The following KCNJ6 variants were observed in gnomAD, a reference collection of about 807,000 sequenced individuals.
KCNJ6 encodes potassium inwardly rectifying channel subfamily J member 6.
KCNJ6 carries 9 observed loss-of-function variants against 34.2 expected under a neutral mutation model. The ratio of observed to expected loss-of-function variants is 0.26; its 90% confidence interval spans 0.16 to 0.46. The LOEUF (loss-of-function observed/expected upper bound fraction) is 0.46, where lower values mean the gene tolerates loss of function less well. Ranked by LOEUF, KCNJ6 falls within the 20% of genes least tolerant of loss-of-function variation. The probability of loss-of-function intolerance (pLI) is 1.00; values close to 1 mark genes in which losing one functional copy is unlikely to be tolerated. For synonymous variants in KCNJ6, 196 were observed against 207.1 expected, an observed-to-expected ratio of 0.95 and a Z score of 0.46; for missense variants, 236 against 531.3, an observed-to-expected ratio of 0.44 and a Z score of 5.46.
intron 2 of KCNJ6, among the ~76,000 whole-genome samples, chr21:37,818,213 T>TGC (rs900928425): frequency 1.8e-4 from 5 of 27,432 alleles, no homozygotes; most frequent in Admixed American, 3.4e-4. Context: ...TGTGCGTGCG[T>TGC]GTGTGTGTGT....
Position 37,859,227 on chromosome 21 carries a change from A to G in KCNJ6, c.-27-18518T>C, listed in dbSNP as rs370958072. On this transcript the variant is annotated intron_variant, in intron 1 of 3. Coordinates refer to ENST00000609713, the MANE Select transcript of KCNJ6 (RefSeq NM_002240.5). ...AAATTCCCAAGATACATTGTTAAGT[A>G]AAAAAGCTATTTATAAAAGAGAATA... Among the ~76,000 whole-genome samples, 6 of 152,120 alleles carry G rather than the reference A, an allele frequency of 3.9e-5. No individual in the cohort carries two copies. In the East Asian group the frequency reaches 7.7e-4, roughly 20 times the overall value.
intron 1 of KCNJ6, among the ~76,000 whole-genome samples, chr21:37,845,223 G>A (rs2055500583): frequency 6.6e-6 from 1 of 152,242 alleles, no homozygotes; most frequent in South Asian, 2.1e-4. Context: ...CCCTGGGGGA[G>A]CCAAGGGTTT....
chr21:37,813,373 C>A (rs1431088399), intron 2 of KCNJ6, among the ~76,000 whole-genome samples: 1 of 152,024 alleles, frequency 6.6e-6, no homozygotes. Flanking sequence ...ATCAAAATAC[C>A]AATGACATTC....
intron 3 of KCNJ6, among the ~76,000 whole-genome samples, chr21:37,649,107 T>C (rs1349173924): frequency 3.3e-5 from 4 of 121,408 alleles, no homozygotes; most frequent in African/African-American, 1.4e-4. Context: ...CACTCCAGCC[T>C]GGGTGACAGA....
At chr21:37,732,683 C>T (rs1026020458) in intron 2 of KCNJ6, among the ~76,000 whole-genome samples, 12 of 152,282 alleles carry the variant, frequency 7.9e-5, no homozygotes, top group South Asian at 6.2e-4. Context: ...TCACATTAGC[C>T]GGAGTTCCAA....
rs1346897755 is a variant in KCNJ6 at position 37,715,105 on chromosome 21, C to T, written c.52G>A (p.Asp18Asn). Reference protein sequence around the residue: ...MTNVLEGDSMDQDVESPVAIH... With the variant: ...MTNVLEGDSMNQDVESPVAIH... ...GCCACTGGGCTTTCGACGTCCTGAT[C>T]CATGGAGTCGCCCTCCAGGACGTTA... The change falls in exon 3 of 4, where the codon GAT becomes AAT. Residue 18 changes from aspartate (D) to asparagine (N), a missense_variant. Physicochemically the swap from Asp to Asn is conservative, Grantham distance 23. Around this residue, in one of 5 missense-constraint regions of KCNJ6, gnomAD observed 64 missense variants for 68.9 expected, o/e 0.93. Transcript: ENST00000609713. 3.7e-6 allele frequency: 6 copies of T among 1,613,652 alleles called. No homozygotes were observed. Among genetic ancestry groups the T allele is most frequent in the African/African-American group, 1.3e-5 (1 of 74,908 alleles).
intron 3 of KCNJ6, among the ~76,000 whole-genome samples, chr21:37,627,991 T>C (rs1256657254): frequency 6.6e-6 from 1 of 152,144 alleles, no homozygotes; most frequent in Non-Finnish European, 1.5e-5. Flanking sequence ...GTACAGACCT[T>C]ACAAAATTAG....
At chr21:37,640,180 C>T (rs2054374839) in intron 3 of KCNJ6, among the ~76,000 whole-genome samples, 1 of 152,218 alleles carries the variant, frequency 6.6e-6, no homozygotes, top group Non-Finnish European at 1.5e-5. Flanking sequence ...GTTCCTTCTG[C>T]TAAAGTAATT....
chr21:37,911,078 T>C (rs1302436540), intron 1 of KCNJ6, among the ~76,000 whole-genome samples: 1 of 152,248 alleles, frequency 6.6e-6, no homozygotes, highest in Non-Finnish European at 1.5e-5. Context: ...ATAATTTCAC[T>C]ATTATTTAAT....
chr21:37,649,433 T>A (rs1376553341), intron 3 of KCNJ6, among the ~76,000 whole-genome samples: 1 of 152,170 alleles, frequency 6.6e-6, no homozygotes, highest in Non-Finnish European at 1.5e-5. Context: ...GAACATAGAA[T>A]GAGAAATTGA....
chr21:37,669,577 T>TTGTGTGTG (rs35169360), intron 3 of KCNJ6, among the ~76,000 whole-genome samples: 3,731 of 149,134 alleles, frequency 0.025, 139 homozygotes, highest in African/African-American at 0.078. Context: ...TCTGTGTGTG[T>TTGTGTGTG]TGTGTGTGTG....
At chr21:37,720,808 C>T (rs1449257049) in intron 2 of KCNJ6, among the ~76,000 whole-genome samples, 8 of 151,318 alleles carry the variant, frequency 5.3e-5, no homozygotes, top group African/African-American at 9.7e-5. Flanking sequence ...CCCGGGTTCA[C>T]GCCATTCTCC....
At chr21:37,781,098 C>T (rs2055167314) in intron 2 of KCNJ6, among the ~76,000 whole-genome samples, 1 of 152,158 alleles carries the variant, frequency 6.6e-6, no homozygotes, top group Non-Finnish European at 1.5e-5. Flanking sequence ...ACGCCGGCTG[C>T]TTCCATCAGT....
intron 2 of KCNJ6, among the ~76,000 whole-genome samples, chr21:37,835,328 A>T (rs2055446603): frequency 6.6e-6 from 1 of 152,208 alleles, no homozygotes; most frequent in Admixed American, 6.5e-5. Flanking sequence ...AGAAGACATC[A>T]GGGCCAAGTC....
chr21:37,729,445 C>G (rs566961206), intron 2 of KCNJ6, among the ~76,000 whole-genome samples: 1 of 152,126 alleles, frequency 6.6e-6, no homozygotes, highest in African/African-American at 2.4e-5. Context: ...CACCTCAGCC[C>G]CCTAAGTAGC....
chr21:37,816,573 G>A (rs916367422), intron 2 of KCNJ6, among the ~76,000 whole-genome samples: 4 of 152,218 alleles, frequency 2.6e-5, no homozygotes, highest in African/African-American at 9.6e-5. Context: ...TCATCCTGAT[G>A]CTGGAAAAGG....
intron 2 of KCNJ6, among the ~76,000 whole-genome samples, chr21:37,782,613 C>A (rs532856206): frequency 3.3e-5 from 5 of 152,106 alleles, no homozygotes; most frequent in African/African-American, 4.8e-5. Flanking sequence ...CTCCAGCCAC[C>A]CTATTCATTT....
chr21:37,854,951 C>T (rs2055557280), intron 1 of KCNJ6, among the ~76,000 whole-genome samples: 1 of 152,150 alleles, frequency 6.6e-6, no homozygotes. Context: ...ATTGTTAGGA[C>T]AACTACAGAG....
In KCNJ6 at chr21:37,739,395, G is replaced by C. The variant is rs1040786476; in HGVS notation, c.26-24264C>G. On this transcript the variant is annotated intron_variant, in intron 2 of 3. Coordinates refer to ENST00000609713, the MANE Select transcript of KCNJ6 (RefSeq NM_002240.5). ...AAATTGATGCAAAAGGCAGTCCCTT[G>C]GTTGGCTTAAGTCAGAAGAAAAGGG... 2.6e-5 allele frequency among the ~76,000 whole-genome samples: 4 copies of C among 152,270 alleles called. No individual in the cohort carries two copies. In the East Asian group the frequency reaches 5.8e-4, roughly 22 times the overall value.
Sources: allele counts gnomAD v4.1 joint callset (sites outside exome capture counted in the v4.1 genomes callset), GRCh38; gene constraint gnomAD v4.1.1; regional missense constraint gnomAD v4.1.1; transcripts MANE v1.5; gene names NCBI Gene and HGNC (gene_info 2026-07-23, HGNC 2026-07-21).